MAP2K1: variants seen among roughly 807,000 people sequenced by gnomAD.
MAP2K1 encodes mitogen-activated protein kinase kinase 1, also known as dual specificity mitogen-activated protein kinase kinase 1.
In MAP2K1, 16 loss-of-function variants were observed where a neutral mutation model predicts 46.3. That is an observed-to-expected ratio of 0.35 (90% CI 0.23 to 0.52). The LOEUF (loss-of-function observed/expected upper bound fraction) is 0.52, where lower values mean the gene tolerates loss of function less well. Ranked by LOEUF, MAP2K1 falls within the 20% of genes least tolerant of loss-of-function variation. MAP2K1 has a pLI of 0.94. For synonymous variants in MAP2K1, 183 were observed against 185.6 expected (o/e 0.99, Z 0.11); for missense variants, 263 against 497.1 (o/e 0.53, Z 4.48).
chr15:66,444,666 G>A lies in MAP2K1; in HGVS notation c.527G>A (p.Gly176Asp). Residue 176 changes from glycine to aspartate, a missense_variant, in exon 5 of 11, where the codon GGC becomes GAC. Physicochemically the swap from Gly to Asp is moderately conservative, Grantham distance 94. This residue lies in a region of MAP2K1 where 103 missense variants were observed against 221.6 expected (regional missense o/e 0.46). Coordinates refer to ENST00000307102, the MANE Select transcript of MAP2K1 (RefSeq NM_002755.4). Reference protein sequence around the residue: ...LGKVSIAVIKGLTYLREKHKI... With the variant: ...LGKVSIAVIKDLTYLREKHKI... The stretch of plus-strand genomic sequence containing the variant: ...TTCCCTTTCCTCTAGGTAATAAAAG[G>A]CCTGACATATCTGAGGGAGAAGCAC... The A allele has an allele frequency of 6.2e-7, 1 of 1,610,264 alleles. No individual in the cohort carries two copies. The highest frequency in any genetic ancestry group is 8.5e-7 in the Non-Finnish European group (1 of 1,176,610).
At chr15:66,486,677 A>T (rs964330410) in intron 7 of MAP2K1, among the ~76,000 whole-genome samples, 1 of 152,120 alleles carries the variant, frequency 6.6e-6, no homozygotes, top group Non-Finnish European at 1.5e-5. Context: ...ACTGTTTTTT[A>T]TGTAGCTCCT....
At chr15:66,469,512 C>A (rs1595878984) in intron 5 of MAP2K1, among the ~76,000 whole-genome samples, 1 of 114,334 alleles carries the variant, frequency 8.7e-6, no homozygotes, top group Middle Eastern at 7.7e-3. Flanking sequence ...TGAGGAACTC[C>A]AGGCTATTAT....
In MAP2K1 at chr15:66,449,124, T is replaced by A. The variant is rs190118654; in HGVS notation, c.568+4417T>A. On this transcript the variant is annotated intron_variant, in intron 5 of 10. Coordinates refer to ENST00000307102, the MANE Select transcript of MAP2K1 (RefSeq NM_002755.4). The stretch of plus-strand genomic sequence containing the variant: ...ATTATACCACCATGAACTGCACTCC[T>A]TGGCATTTACCTAAGATAAATGAAA... 3.3e-4 allele frequency among the ~76,000 whole-genome samples: 50 copies of A among 152,074 alleles called. No homozygotes were observed. In the East Asian group the frequency reaches 9.1e-3, roughly 28 times the overall value.
In MAP2K1 at chr15:66,411,094, T is replaced by G. The variant is rs115312507; in HGVS notation, c.80+23667T>G. Among the ~76,000 whole-genome samples, 1,319 of 152,114 alleles carry G rather than the reference T, an allele frequency of 8.7e-3. 17 individuals are homozygous for G. The highest frequency in any genetic ancestry group is 0.03 in the African/African-American group (1,241 of 41,428). On this transcript the variant is annotated intron_variant, in intron 1 of 10. Coordinates refer to ENST00000307102, the MANE Select transcript of MAP2K1 (RefSeq NM_002755.4). ...GTTTCTTGATAACTGTTCTTGAGGT[T>G]TCTTTTTTTTTTTGGTCCTTTTTGA... is the stretch of plus-strand genomic sequence containing the variant.
At chr15:66,478,358 TAC>T (rs1892814716) in intron 5 of MAP2K1, among the ~76,000 whole-genome samples, 5 of 140,748 alleles carry the variant, frequency 3.6e-5, no homozygotes, top group Admixed American at 1.4e-4. Flanking sequence ...TAAATATATA[TAC>T]ACACATATAT....
At chr15:66,413,722 A>T (rs1358989785) in intron 1 of MAP2K1, among the ~76,000 whole-genome samples, 1 of 152,032 alleles carries the variant, frequency 6.6e-6, no homozygotes, top group Non-Finnish European at 1.5e-5. Context: ...GGGTATGAGC[A>T]TGTAATTGCA....
At chr15:66,469,162 A>G (rs1892545695) in intron 5 of MAP2K1, among the ~76,000 whole-genome samples, 1 of 151,578 alleles carries the variant, frequency 6.6e-6, no homozygotes, top group Admixed American at 6.6e-5. Flanking sequence ...AGGCTGAGGC[A>G]GGAGAATCGC....
chr15:66,478,592 G>A (rs1460396061), intron 5 of MAP2K1, among the ~76,000 whole-genome samples: 2 of 150,640 alleles, frequency 1.3e-5, no homozygotes, highest in African/African-American at 2.4e-5. Flanking sequence ...TCTACCTCCC[G>A]GGTTCAAGCA....
intron 1 of MAP2K1, among the ~76,000 whole-genome samples, chr15:66,399,806 A>G (rs1437290585): frequency 6.6e-6 from 1 of 152,122 alleles, no homozygotes; most frequent in African/African-American, 2.4e-5. Flanking sequence ...CTTGTTGGCC[A>G]GGCTGGTCTG....
chr15:66,430,756 C>T (rs768297716), intron 1 of MAP2K1, among the ~76,000 whole-genome samples: 8 of 152,110 alleles, frequency 5.3e-5, no homozygotes, highest in Non-Finnish European at 7.4e-5. Context: ...AACCACTGAG[C>T]CACAAATGAA....
In MAP2K1 at chr15:66,420,869, GTGTGTATATATA is replaced by G. The variant is rs1567003279; in HGVS notation, c.81-14145_81-14134del. On this transcript the variant is annotated intron_variant, in intron 1 of 10. Transcript: ENST00000307102. ...TGTATATATATGTGTGTATATATAT[GTGTGTATATATA>G]TGTGTATATATACACATACATACAT... Among the ~76,000 whole-genome samples the G allele has an allele frequency of 3.3e-3, 423 of 127,344 alleles. 18 individuals are homozygous for G. The highest frequency in any genetic ancestry group is 0.012 in the African/African-American group (402 of 34,674). 83.5% of individuals were successfully genotyped at this position (127,344 alleles called of 152,430 possible). A position where few individuals can be genotyped will look rare whatever the true frequency, so the allele number is the denominator to read the frequency against.
In MAP2K1 at chr15:66,490,542, A is replaced by C. The variant is rs759243614; in HGVS notation, c.1109A>C (p.Asp370Ala). ...FIKRSDAEEV[D>A]FAGWLCSTIG... ...AAGAGATCTGATGCTGAGGAAGTGG[A>C]TTTTGCAGGTTGGCTCTGCTCCACC... Residue 370 changes from aspartate (D) to alanine (A), a missense_variant, in exon 11 of 11, where the codon GAT becomes GCT. Around this residue, in one of 4 missense-constraint regions of MAP2K1, gnomAD observed 118 missense variants for 193.0 expected, o/e 0.61. Transcript: ENST00000307102. 1.2e-6 allele frequency: 2 copies of C among 1,614,036 alleles called. No individual in the cohort carries two copies. Among genetic ancestry groups the C allele is most frequent in the Non-Finnish European group, 1.7e-6 (2 of 1,179,992 alleles).
chr15:66,457,308 C>T (rs28439393), intron 5 of MAP2K1, among the ~76,000 whole-genome samples: 42,113 of 151,946 alleles, frequency 0.28, 6,505 homozygotes, highest in South Asian at 0.37. Flanking sequence ...CTAGTAGAGA[C>T]GGGGTTTCCC....
At chr15:66,400,095 C>T (rs1374787819) in intron 1 of MAP2K1, among the ~76,000 whole-genome samples, 2 of 152,110 alleles carry the variant, frequency 1.3e-5, no homozygotes, top group Non-Finnish European at 2.9e-5. Flanking sequence ...GAATGTACAG[C>T]ATTGCTGATT....
intron 5 of MAP2K1, among the ~76,000 whole-genome samples, chr15:66,464,543 A>G (rs1296863968): frequency 6.6e-6 from 1 of 152,190 alleles, no homozygotes; most frequent in Non-Finnish European, 1.5e-5. Context: ...TTTTGTTTTG[A>G]GACGGAGTTT....
intron 4 of MAP2K1, among the ~76,000 whole-genome samples, chr15:66,443,630 C>T (rs960599269): frequency 9.9e-5 from 15 of 152,034 alleles, no homozygotes; most frequent in East Asian, 3.9e-4. Flanking sequence ...CAGCACTTTG[C>T]GAGGCCAAGG....
chr15:66,392,218 AG>A (rs1412744212), intron 1 of MAP2K1, among the ~76,000 whole-genome samples: 8 of 138,826 alleles, frequency 5.8e-5, no homozygotes, highest in Non-Finnish European at 1.2e-4. Flanking sequence ...CCTTTTTGGA[AG>A]GGGGAGAACC....
At chr15:66,476,020 C>A (rs1892747304) in intron 5 of MAP2K1, among the ~76,000 whole-genome samples, 1 of 152,126 alleles carries the variant, frequency 6.6e-6, no homozygotes, top group Non-Finnish European at 1.5e-5. Flanking sequence ...TAGTGTTATT[C>A]CTGGGACAGA....
intron 1 of MAP2K1, among the ~76,000 whole-genome samples, chr15:66,409,402 G>A (rs776215764): frequency 2.0e-5 from 3 of 152,068 alleles, no homozygotes; most frequent in East Asian, 1.9e-4. Flanking sequence ...TGTTTGGGCC[G>A]GATGGATCTG....
Sources: gnomAD v4.1 joint callset for allele counts (sites outside exome capture counted in the v4.1 genomes callset) on GRCh38, gnomAD v4.1.1 for gene constraint, gnomAD v4.1.1 regional missense constraint, MANE v1.5 for transcripts, NCBI Gene and HGNC (gene_info 2026-07-23, HGNC 2026-07-21) for gene names.